NRG1: variants seen among roughly 807,000 people sequenced by gnomAD.
NRG1 encodes the protein pro-neuregulin-1, membrane-bound isoform.
A neutral mutation model predicts 63.8 loss-of-function variants in NRG1; 18 were observed. The observed-to-expected ratio is 0.28, with a 90% CI of 0.19 to 0.42. The LOEUF is 0.42. NRG1 is among the 10% of genes least tolerant of loss of function. The probability of loss-of-function intolerance (pLI) is 1.00; values close to 1 mark genes in which losing one functional copy is unlikely to be tolerated. For synonymous variants in NRG1, 302 were observed against 301.3 expected (o/e 1.00, Z -0.02); for missense variants, 762 against 814.7 (o/e 0.94, Z 0.79).
chr8:32,310,262 A>T (rs1409741233), intron 1 of NRG1, among the ~76,000 whole-genome samples: 1 of 152,210 alleles, frequency 6.6e-6, no homozygotes, highest in Non-Finnish European at 1.5e-5. Context: ...AGAAAAAAGA[A>T]CTTGTTTCAA....
intron 1 of NRG1, among the ~76,000 whole-genome samples, chr8:32,182,683 G>A (rs1432028756): frequency 1.3e-5 from 2 of 151,990 alleles, no homozygotes; most frequent in Non-Finnish European, 2.9e-5. Flanking sequence ...TTTGTCTTGG[G>A]AAAAGGCAGG....
chr8:32,651,937 T>C (rs1189594901), intron 5 of NRG1, among the ~76,000 whole-genome samples: 1 of 152,198 alleles, frequency 6.6e-6, no homozygotes, highest in African/African-American at 2.4e-5. Flanking sequence ...CTGAAAGATC[T>C]TCTATTGGAA....
intron 1 of NRG1, among the ~76,000 whole-genome samples, chr8:32,094,980 C>T (rs1210455544): frequency 4.7e-5 from 7 of 149,086 alleles, no homozygotes; most frequent in Admixed American, 6.7e-5. Flanking sequence ...GGCGTGATCT[C>T]GGCTCACTGC....
intron 1 of NRG1, among the ~76,000 whole-genome samples, chr8:32,253,520 C>A (rs892026162): frequency 6.6e-6 from 1 of 152,176 alleles, no homozygotes; most frequent in Non-Finnish European, 1.5e-5. Context: ...TTGAACCAGC[C>A]TTGCATCCCA....
chr8:32,375,946 C>G (rs1464762353), intron 1 of NRG1, among the ~76,000 whole-genome samples: 2 of 152,144 alleles, frequency 1.3e-5, no homozygotes, highest in Non-Finnish European at 2.9e-5. Flanking sequence ...ACATGTTTCT[C>G]TACTATAAAC....
At chr8:32,466,661 T>C (rs1168695687) in intron 1 of NRG1, among the ~76,000 whole-genome samples, 2 of 152,190 alleles carry the variant, frequency 1.3e-5, no homozygotes, top group African/African-American at 4.8e-5. Flanking sequence ...AGGAATGTGC[T>C]ATCCCCATTC....
intron 1 of NRG1, among the ~76,000 whole-genome samples, chr8:31,761,211 C>T (rs2131516426): frequency 6.6e-6 from 1 of 152,150 alleles, no homozygotes; most frequent in African/African-American, 2.4e-5. Context: ...GACAAAAAAC[C>T]AAACACCTCT....
chr8:32,694,937 C>T (rs1001858242), intron 5 of NRG1, among the ~76,000 whole-genome samples: 2 of 152,192 alleles, frequency 1.3e-5, no homozygotes, highest in Non-Finnish European at 2.9e-5. Context: ...TTTGAGTCAA[C>T]TCTGACGGGA....
chr8:32,027,056 C>T (rs897584415), intron 1 of NRG1, among the ~76,000 whole-genome samples: 4 of 152,020 alleles, frequency 2.6e-5, no homozygotes, highest in Admixed American at 6.5e-5. Context: ...TCGGTACTCT[C>T]CTTTATCATC....
At chr8:32,541,700 G>A (rs894801994) in intron 1 of NRG1, among the ~76,000 whole-genome samples, 1 of 152,072 alleles carries the variant, frequency 6.6e-6, no homozygotes, top group Admixed American at 6.6e-5. Context: ...GTTCTTGTGG[G>A]ATCACTCTTA....
intron 1 of NRG1, among the ~76,000 whole-genome samples, chr8:32,078,240 A>G (rs921518272): frequency 6.6e-6 from 1 of 152,120 alleles, no homozygotes; most frequent in Non-Finnish European, 1.5e-5. Context: ...CTGTTAGTTC[A>G]TGCAAGAATT....
intron 1 of NRG1, among the ~76,000 whole-genome samples, chr8:31,763,746 C>G (rs1190323912): frequency 6.6e-6 from 1 of 152,114 alleles, no homozygotes; most frequent in Admixed American, 6.6e-5. Context: ...GTCAGGAGAT[C>G]GAGACCATCC....
At chr8:32,296,450 C>T (rs561557593) in intron 1 of NRG1, among the ~76,000 whole-genome samples, 34 of 152,034 alleles carry the variant, frequency 2.2e-4, no homozygotes, top group African/African-American at 6.5e-4. Flanking sequence ...CTCGTCTCTA[C>T]TGAAAATACA....
chr8:32,200,174 C>T (rs910463964), intron 1 of NRG1, among the ~76,000 whole-genome samples: 11 of 152,144 alleles, frequency 7.2e-5, no homozygotes, highest in African/African-American at 1.7e-4. Context: ...TTTTTACTTT[C>T]GGGGATTCCT....
chr8:32,087,021 T>C (rs1035262570), intron 1 of NRG1, among the ~76,000 whole-genome samples: 7 of 152,190 alleles, frequency 4.6e-5, no homozygotes, highest in Non-Finnish European at 8.8e-5. Context: ...ATGCATCGAA[T>C]AGCATCTCCC....
chr8:32,490,294 G>T (rs2129494630), intron 1 of NRG1, among the ~76,000 whole-genome samples: 1 of 149,426 alleles, frequency 6.7e-6, no homozygotes, highest in South Asian at 2.1e-4. Flanking sequence ...GACAGAACGA[G>T]ACTCTGTCTC....
intron 5 of NRG1, chr8:32,647,396 C>G: frequency 1.5e-5 from 15 of 985,358 alleles, no homozygotes; most frequent in Non-Finnish European, 1.8e-5. Flanking sequence ...CTTAATTAAT[C>G]AGCCGGCAGC....
chr8:32,274,162 A>T (rs1403209792), intron 1 of NRG1, among the ~76,000 whole-genome samples: 1 of 152,192 alleles, frequency 6.6e-6, no homozygotes, highest in East Asian at 1.9e-4. Flanking sequence ...TCAGTGACTA[A>T]AAAATACATG....
intron 1 of NRG1, among the ~76,000 whole-genome samples, chr8:32,132,407 A>G (rs1304581460): frequency 3.9e-5 from 6 of 152,132 alleles, no homozygotes; most frequent in Admixed American, 1.3e-4. Context: ...TGAGATTGAC[A>G]TATGAAACTT....
Sources: gnomAD v4.1 joint callset for allele counts (sites outside exome capture counted in the v4.1 genomes callset) on GRCh38, gnomAD v4.1.1 for gene constraint, MANE v1.5 for transcripts, NCBI Gene and HGNC (gene_info 2026-07-23, HGNC 2026-07-21) for gene names.